DLG2: variants seen among roughly 807,000 people sequenced by gnomAD.
DLG2 encodes the protein discs large MAGUK scaffold protein 2.
Under a neutral mutation model 132.5 loss-of-function variants are expected in DLG2, and 45 were observed. The ratio of observed to expected loss-of-function variants is 0.34; its 90% CI spans 0.27 to 0.44. DLG2 has a LOEUF of 0.44. Among genes scored for constraint, DLG2 ranks in the 20% least tolerant of loss-of-function variants. DLG2 has a pLI of 1.00. For missense variants in DLG2, 1,045 were observed against 1,196.9 expected, an observed-to-expected ratio of 0.87 and a Z score of 1.87; for synonymous variants, 424 against 419.6, an observed-to-expected ratio of 1.01 and a Z score of -0.13.
intron 3 of DLG2, among the ~76,000 whole-genome samples, chr11:85,373,602 G>A (rs2085161684): frequency 6.6e-6 from 1 of 152,176 alleles, no homozygotes. Flanking sequence ...TTGCTTCAGG[G>A]AGGAGCCTGG....
At chr11:84,074,909 T>G (rs971860355) in intron 10 of DLG2, among the ~76,000 whole-genome samples, 2 of 152,192 alleles carry the variant, frequency 1.3e-5, no homozygotes, top group African/African-American at 4.8e-5. Context: ...CTATGTAATT[T>G]AAATTAAAAC....
At chr11:84,039,945 T>C (rs917117080) in intron 11 of DLG2, among the ~76,000 whole-genome samples, 23 of 148,356 alleles carry the variant, frequency 1.6e-4, no homozygotes, top group African/African-American at 5.4e-4. Context: ...CATTGTGGTT[T>C]TGATTTGCAT....
At chr11:85,021,705 A>G (rs1379922657) in intron 6 of DLG2, 6 of 881,688 alleles carry the variant, frequency 6.8e-6, no homozygotes, top group African/African-American at 3.3e-5. Flanking sequence ...CTGAAGATCA[A>G]AAAAAATCCC....
intron 8 of DLG2, among the ~76,000 whole-genome samples, chr11:84,212,740 A>G (rs1597531436): frequency 6.6e-6 from 1 of 152,050 alleles, no homozygotes; most frequent in African/African-American, 2.4e-5. Flanking sequence ...GCTCACTGCA[A>G]CCTCCGCCTC....
rs147703610 is a variant in DLG2, at chr11:84,055,341, C to T, written c.919+3974G>A. Among the ~76,000 whole-genome samples the T allele has an allele frequency of 6.6e-5, 10 of 152,232 alleles. No homozygotes were observed. In the East Asian group the frequency reaches 1.9e-3, roughly 29 times the overall value. ...TCTCTGCTCTCACTTCTGCCCTCTT[C>T]AATTCATTCGCTTCATAGCAGCCAG... On this transcript the variant is annotated intron_variant, in intron 11 of 27. Coordinates refer to ENST00000376104, the MANE Select transcript of DLG2 (RefSeq NM_001142699.3).
chr11:84,830,361 G>A (rs1384974870), intron 6 of DLG2, among the ~76,000 whole-genome samples: 1 of 150,436 alleles, frequency 6.6e-6, no homozygotes, highest in Non-Finnish European at 1.5e-5. Context: ...GACAGCAGGC[G>A]TCATCTACGT....
chr11:83,993,161 A>G (rs1183618638), intron 11 of DLG2, among the ~76,000 whole-genome samples: 1 of 152,180 alleles, frequency 6.6e-6, no homozygotes, highest in African/African-American at 2.4e-5. Flanking sequence ...TTTTAACAAA[A>G]TTATATGATC....
chr11:85,502,849 CAT>C (rs2093836950), intron 3 of DLG2, among the ~76,000 whole-genome samples: 1 of 152,054 alleles, frequency 6.6e-6, no homozygotes, highest in African/African-American at 2.4e-5. Flanking sequence ...TAGAAAAACT[CAT>C]GTGTACCTGG....
intron 3 of DLG2, among the ~76,000 whole-genome samples, chr11:85,572,988 C>T (rs931161334): frequency 2.0e-5 from 3 of 152,192 alleles, no homozygotes; most frequent in Admixed American, 1.3e-4. Context: ...TAAGTGAGTT[C>T]TCACTCTGAG....
At chr11:84,084,814 G>C (rs2096953621) in intron 10 of DLG2, among the ~76,000 whole-genome samples, 1 of 152,088 alleles carries the variant, frequency 6.6e-6, no homozygotes, top group Non-Finnish European at 1.5e-5. Flanking sequence ...TGATCACTCT[G>C]GCCCACTTTC....
At chr11:84,445,687 C>T (rs540142374) in intron 7 of DLG2, among the ~76,000 whole-genome samples, 2 of 152,014 alleles carry the variant, frequency 1.3e-5, no homozygotes, top group East Asian at 1.9e-4. Context: ...GAGGCCGAGG[C>T]GGGTGGATCA....
At chr11:84,340,807 C>CAA (rs2098510997) in intron 7 of DLG2, among the ~76,000 whole-genome samples, 1 of 141,972 alleles carries the variant, frequency 7.0e-6, no homozygotes, top group African/African-American at 2.9e-5. Context: ...AAAATAAAAT[C>CAA]AAAAGTATGG....
At chr11:84,387,166 C>A (rs969399571) in intron 7 of DLG2, among the ~76,000 whole-genome samples, 4 of 151,800 alleles carry the variant, frequency 2.6e-5, no homozygotes, top group African/African-American at 9.7e-5. Flanking sequence ...CGTCCCCAGG[C>A]TTCCAGTAGC....
chr11:84,686,468 T>C (rs899215241), intron 6 of DLG2, among the ~76,000 whole-genome samples: 1 of 152,158 alleles, frequency 6.6e-6, no homozygotes, highest in African/African-American at 2.4e-5. Context: ...TCAGGACTTC[T>C]AAACTAATCT....
chr11:84,160,597 A>G (rs1229526213), intron 9 of DLG2, among the ~76,000 whole-genome samples: 1 of 152,188 alleles, frequency 6.6e-6, no homozygotes, highest in African/African-American at 2.4e-5. Context: ...GAAGGAAAAC[A>G]TAGGGTCAGG....
chr11:84,557,176 G>C (rs1281235622), intron 6 of DLG2, among the ~76,000 whole-genome samples: 1 of 151,820 alleles, frequency 6.6e-6, no homozygotes, highest in African/African-American at 2.4e-5. Flanking sequence ...TTGTAGTTGT[G>C]GTTAACATCT....
chr11:85,096,213 G>T (rs937320930), intron 6 of DLG2, among the ~76,000 whole-genome samples: 1 of 152,140 alleles, frequency 6.6e-6, no homozygotes, highest in Non-Finnish European at 1.5e-5. Flanking sequence ...GGCCACCCGC[G>T]CCAGCAGTGG....
intron 22 of DLG2, among the ~76,000 whole-genome samples, chr11:83,481,828 T>C (rs1043537326): frequency 6.6e-6 from 1 of 151,206 alleles, no homozygotes; most frequent in African/African-American, 2.5e-5. Context: ...TTTGTTGTTG[T>C]TGCGAAGTTT....
At chr11:83,851,205 C>A (rs187538966) in intron 16 of DLG2, among the ~76,000 whole-genome samples, 45 of 151,864 alleles carry the variant, frequency 3.0e-4, no homozygotes, top group African/African-American at 1.1e-3. Flanking sequence ...TTTTTGAAGT[C>A]CTAACTGTCC....
Sources: allele counts gnomAD v4.1 joint callset (sites outside exome capture counted in the v4.1 genomes callset), GRCh38; gene constraint gnomAD v4.1.1; transcripts MANE v1.5; gene names NCBI Gene and HGNC (gene_info 2026-07-23, HGNC 2026-07-21).